ATP8B4: variants seen among roughly 807,000 people sequenced by gnomAD.
ATP8B4 encodes ATPase phospholipid transporting 8B4 (putative).
In ATP8B4, 133 loss-of-function variants were observed where a neutral mutation model predicts 145.6. The observed-to-expected ratio is 0.91, with a 90% CI of 0.79 to 1.05. The LOEUF (loss-of-function observed/expected upper bound fraction) is 1.05, where lower values mean the gene tolerates loss of function less well. Ranked by LOEUF, ATP8B4 falls within the 50% of genes least tolerant of loss-of-function variation. ATP8B4 has a pLI of 0.00. For synonymous variants in ATP8B4, 507 were observed against 492.9 expected (o/e 1.03, Z -0.38); for missense variants, 1,458 against 1,425.2 (o/e 1.02, Z -0.37).
chr15:49,979,425 C>T (rs1201065557), intron 12 of ATP8B4, among the ~76,000 whole-genome samples, 192 bp downstream of exon 12: 1 of 152,156 alleles, frequency 6.6e-6, no homozygotes, highest in Non-Finnish European at 1.5e-5. Flanking sequence ...AAATTAACCG[C>T]ATTTATTGTA....
chr15:49,923,530 T>C (rs754022287), intron 16 of ATP8B4, 36 bp from the exon 17 acceptor site: 35 of 1,400,536 alleles, frequency 2.5e-5, no homozygotes, highest in African/African-American at 4.3e-5. Context: ...CAGAATATAA[T>C]CAACGTCATA....
At chr15:49,876,642 C>T in intron 24 of ATP8B4, 119 bp from the exon 25 acceptor site, 6 of 1,352,062 alleles carry the variant, frequency 4.4e-6, no homozygotes, top group Non-Finnish European at 6.2e-6. Context: ...GCACTACTCA[C>T]TGGGCCAGAA....
intron 1 of ATP8B4, among the ~76,000 whole-genome samples, chr15:50,167,817 C>A (rs2044616283): frequency 6.6e-6 from 1 of 152,122 alleles, no homozygotes; most frequent in Non-Finnish European, 1.5e-5. Context: ...CCACATGCTT[C>A]AATGTGAAGT....
At chr15:50,020,032 G>A (rs2049412396) in intron 6 of ATP8B4, among the ~76,000 whole-genome samples, 1 of 151,580 alleles carries the variant, frequency 6.6e-6, no homozygotes, top group Admixed American at 6.6e-5. Context: ...ATCTCTGCTT[G>A]CTGCAGCCTT....
At chr15:50,142,030 A>G (rs2414026) in intron 1 of ATP8B4, among the ~76,000 whole-genome samples, 150,460 of 152,294 alleles carry the variant, frequency 0.99, 74,347 homozygotes, top group East Asian at 1. Context: ...TAAAATGTAA[A>G]AACTGAGGTA....
intron 1 of ATP8B4, among the ~76,000 whole-genome samples, chr15:50,177,087 G>A (rs1465382605): frequency 2.6e-5 from 4 of 152,082 alleles, no homozygotes; most frequent in Non-Finnish European, 5.9e-5. Flanking sequence ...TTAACTTATG[G>A]CAACAACAGT....
At chr15:50,162,051 A>AT (rs2044527923) in intron 1 of ATP8B4, among the ~76,000 whole-genome samples, 1 of 151,750 alleles carries the variant, frequency 6.6e-6, no homozygotes, top group African/African-American at 2.4e-5. Context: ...CTAGGATAAA[A>AT]ATTTTTTTTA....
At position 49,979,696 on chromosome 15, in the gene ATP8B4, A is replaced by G. The variant is rs775602637; in HGVS notation, c.955T>C (p.Ser319Pro). ...AATGTTAAGAATCCGGAGAACACAGAGCTCTTCTCTCCTTCATTCCAAAAG... is the reference window on the plus strand; with the variant it reads ...AATGTTAAGAATCCGGAGAACACAGGGCTCTTCTCTCCTTCATTCCAAAAG... ...FLFWNEGEKS[S>P]VFSGFLTFWS... Residue 319 changes from serine (S) to proline (P), a missense_variant, in exon 12 of 28, where the codon TCT becomes CCT. By Grantham distance (74) the Ser-to-Pro change is moderately conservative. Coordinates refer to ENST00000284509, the MANE Select transcript of ATP8B4 (RefSeq NM_024837.4). 5.6e-6 allele frequency: 9 copies of G among 1,609,982 alleles called. No individual in the cohort carries two copies. The East Asian group carries it at 1.8e-4, about 32-fold the overall frequency.
chr15:50,146,833 AGAG>A (rs2044283303), intron 1 of ATP8B4, among the ~76,000 whole-genome samples: 2 of 151,940 alleles, frequency 1.3e-5, no homozygotes, highest in South Asian at 4.2e-4. Flanking sequence ...CCACACAGGA[AGAG>A]GAGGAGCCTT....
chr15:50,002,031 T>C, intron 8 of ATP8B4, 122 bp downstream of exon 8: 1 of 749,078 alleles, frequency 1.3e-6, no homozygotes, highest in Non-Finnish European at 2.2e-6. Context: ...AACTATGGAC[T>C]TTGCAATGTA....
At chr15:50,101,832 TA>T (rs2056372547) in intron 2 of ATP8B4, among the ~76,000 whole-genome samples, 1 of 152,074 alleles carries the variant, frequency 6.6e-6, no homozygotes, top group African/African-American at 2.4e-5. Flanking sequence ...AGACAGACCA[TA>T]TGAAAGTCCA....
chr15:49,977,561 A>G (rs2045779111), intron 12 of ATP8B4, among the ~76,000 whole-genome samples: 1 of 152,164 alleles, frequency 6.6e-6, no homozygotes, highest in African/African-American at 2.4e-5. Flanking sequence ...TTTTGAAAGC[A>G]GCTCAGCAAA....
At chr15:49,898,530 GGA>G (rs559518820) in intron 21 of ATP8B4, among the ~76,000 whole-genome samples, 361 of 152,226 alleles carry the variant, frequency 2.4e-3, no homozygotes, top group African/African-American at 8.4e-3. Flanking sequence ...ATGCTGCACT[GGA>G]GAGAGAGAGT....
intron 14 of ATP8B4, among the ~76,000 whole-genome samples, chr15:49,946,408 A>G (rs1599333946): frequency 6.6e-6 from 1 of 152,140 alleles, no homozygotes; most frequent in Non-Finnish European, 1.5e-5. Flanking sequence ...TCCTTAACAC[A>G]CTTCCCAGTT....
intron 6 of ATP8B4, among the ~76,000 whole-genome samples, chr15:50,012,807 C>A (rs990151523): frequency 6.6e-6 from 1 of 152,134 alleles, no homozygotes; most frequent in South Asian, 2.1e-4. Context: ...CCTTGCTTAA[C>A]CTCTGATTTG....
intron 23 of ATP8B4, among the ~76,000 whole-genome samples, chr15:49,881,790 C>G (rs1349643723): frequency 3.3e-5 from 5 of 152,122 alleles, no homozygotes; most frequent in Admixed American, 3.3e-4. Flanking sequence ...TTGATTCATA[C>G]CAAACCTCCT....
intron 6 of ATP8B4, among the ~76,000 whole-genome samples, chr15:50,034,956 G>A (rs1214731329): frequency 1.3e-5 from 2 of 152,190 alleles, no homozygotes; most frequent in Non-Finnish European, 2.9e-5. Flanking sequence ...GGCTGAGAAT[G>A]TGCACTTCTT....
At chr15:50,147,257 A>G (rs1173470623) in intron 1 of ATP8B4, among the ~76,000 whole-genome samples, 2 of 151,992 alleles carry the variant, frequency 1.3e-5, no homozygotes, top group Non-Finnish European at 2.9e-5. Context: ...CTCTACTACA[A>G]TTACAAGAAT....
chr15:50,040,032 A>G (rs1311095498), intron 5 of ATP8B4, among the ~76,000 whole-genome samples: 15 of 152,222 alleles, frequency 9.9e-5, no homozygotes, highest in Non-Finnish European at 2.9e-5. Flanking sequence ...AAATGGAAAC[A>G]TTATTTGATC....
Sources: allele counts gnomAD v4.1 joint callset (sites outside exome capture counted in the v4.1 genomes callset), GRCh38; gene constraint gnomAD v4.1.1; transcripts MANE v1.5; gene names NCBI Gene and HGNC (gene_info 2026-07-23, HGNC 2026-07-21).